The following PTPRD variants were observed in gnomAD, a reference collection of about 807,000 sequenced individuals.
PTPRD encodes the protein protein tyrosine phosphatase receptor type D.
PTPRD carries 34 observed loss-of-function variants against 214.5 expected under a neutral mutation model. The ratio of observed to expected loss-of-function variants is 0.16; its 90% CI spans 0.12 to 0.21. PTPRD has a LOEUF of 0.21. Ranked by LOEUF, PTPRD falls within the 10% of genes least tolerant of loss-of-function variation. PTPRD has a pLI of 1.00. For synonymous variants in PTPRD, 1,128 were observed against 845.7 expected, an observed-to-expected ratio of 1.33 and a Z score of -5.79; for missense variants, 2,545 against 2,398.7, an observed-to-expected ratio of 1.06 and a Z score of -1.27.
At chr9:10,434,145 TA>T (rs906226759) in intron 2 of PTPRD, among the ~76,000 whole-genome samples, 42 of 151,902 alleles carry the variant, frequency 2.8e-4, no homozygotes, top group African/African-American at 8.7e-4. Context: ...AGAATGCAAT[TA>T]TTTTTTTTAT....
At chr9:10,303,619 A>G (rs1051450470) in intron 3 of PTPRD, among the ~76,000 whole-genome samples, 14 of 152,200 alleles carry the variant, frequency 9.2e-5, no homozygotes, top group African/African-American at 3.4e-4. Context: ...CTACCATCAG[A>G]GAATACTATA....
intron 9 of PTPRD, among the ~76,000 whole-genome samples, chr9:9,339,512 G>T (rs1050304650): frequency 6.6e-6 from 1 of 152,042 alleles, no homozygotes; most frequent in Non-Finnish European, 1.5e-5. Flanking sequence ...TTAAGTTGAC[G>T]AATATCACTG....
chr9:9,514,534 G>A (rs565680411), intron 8 of PTPRD, among the ~76,000 whole-genome samples: 1 of 152,010 alleles, frequency 6.6e-6, no homozygotes, highest in African/African-American at 2.4e-5. Flanking sequence ...CCTGCCTTCC[G>A]AGGAGTTCTT....
At chr9:8,813,097 GAA>G (rs1196721845) in intron 11 of PTPRD, among the ~76,000 whole-genome samples, 1 of 152,200 alleles carries the variant, frequency 6.6e-6, no homozygotes, top group African/African-American at 2.4e-5. Context: ...GCTATCGGTG[GAA>G]AAGTGTCAGC....
At position 9,386,189 on chromosome 9, in the gene PTPRD, A is replaced by G. The variant is rs180792654; in HGVS notation, c.-203+11260T>C. On this transcript the variant is annotated intron_variant, in intron 9 of 45. Transcript: ENST00000381196. ...CCAATATATGTTTCCAATGACATGC[A>G]TCTTCTAGATTTCCCTTAATCCTAT... 3.1e-3 allele frequency among the ~76,000 whole-genome samples: 467 copies of G among 152,248 alleles called. 4 individuals are homozygous for G. The highest frequency in any genetic ancestry group is 0.011 in the African/African-American group (449 of 41,558).
intron 10 of PTPRD, among the ~76,000 whole-genome samples, chr9:9,041,817 C>A (rs992339706): frequency 6.6e-6 from 1 of 152,182 alleles, no homozygotes; most frequent in Admixed American, 6.5e-5. Flanking sequence ...ACAACTAGGA[C>A]TCCTAAATCC....
At chr9:8,928,727 G>A (rs1261518824) in intron 11 of PTPRD, among the ~76,000 whole-genome samples, 2 of 152,238 alleles carry the variant, frequency 1.3e-5, no homozygotes, top group African/African-American at 4.8e-5. Flanking sequence ...ATTCTGTGAA[G>A]AAGGTCAATG....
rs147500701 is a variant in PTPRD, at chr9:8,758,282, G to A, written c.-103-24336C>T. ...AGTGACTCCTCAATTCTCCTGAGAT[G>A]GTACAAATGTAGTACCACTCTAGAT... On this transcript the variant is annotated intron_variant, in intron 11 of 45. Coordinates refer to ENST00000381196, the MANE Select transcript of PTPRD (RefSeq NM_002839.4). Among the ~76,000 whole-genome samples the A allele has an allele frequency of 5.9e-4, 90 of 152,190 alleles. 1 individual carries two copies. Among genetic ancestry groups the A allele is most frequent in the African/African-American group, 2.1e-3 (88 of 41,540 alleles).
intron 10 of PTPRD, among the ~76,000 whole-genome samples, chr9:9,065,631 C>T (rs2099727736): frequency 5.9e-5 from 9 of 152,098 alleles, no homozygotes; most frequent in Admixed American, 5.9e-4. Flanking sequence ...GGAGAAAATA[C>T]ATTATGGGAT....
intron 9 of PTPRD, among the ~76,000 whole-genome samples, chr9:9,371,550 T>C (rs1247624583): frequency 1.3e-5 from 2 of 152,186 alleles, no homozygotes; most frequent in African/African-American, 4.8e-5. Flanking sequence ...TTGTTGATCT[T>C]TTCAAAAAAC....
chr9:10,509,581 T>TA (rs1566622187), intron 2 of PTPRD, among the ~76,000 whole-genome samples: 3 of 58,970 alleles, frequency 5.1e-5, no homozygotes, highest in African/African-American at 2.2e-4. Context: ...ATATATATAT[T>TA]TTACTCACTT....
chr9:9,710,754 T>A (rs2097710452), intron 7 of PTPRD, among the ~76,000 whole-genome samples: 1 of 152,164 alleles, frequency 6.6e-6, no homozygotes, highest in South Asian at 2.1e-4. Context: ...AAGTTGTCTA[T>A]CCACATTAAC....
intron 11 of PTPRD, among the ~76,000 whole-genome samples, chr9:8,904,430 G>C (rs559773915): frequency 6.6e-6 from 1 of 152,220 alleles, no homozygotes; most frequent in East Asian, 1.9e-4. Flanking sequence ...CAAGCATTTT[G>C]AGAGACTGAG....
At chr9:8,962,218 T>A (rs2099162220) in intron 11 of PTPRD, 1 of 152,114 alleles carries the variant, frequency 6.6e-6, no homozygotes, top group African/African-American at 2.4e-5. Flanking sequence ...AATAATTACT[T>A]GGTGAGAACA....
At chr9:9,632,313 T>C (rs2095620315) in intron 7 of PTPRD, among the ~76,000 whole-genome samples, 2 of 152,118 alleles carry the variant, frequency 1.3e-5, no homozygotes, top group Non-Finnish European at 2.9e-5. Context: ...AGGCTGTATA[T>C]AAATGATTCA....
chr9:9,860,927 G>A (rs1031003471), intron 5 of PTPRD, among the ~76,000 whole-genome samples: 1 of 152,198 alleles, frequency 6.6e-6, no homozygotes, highest in African/African-American at 2.4e-5. Context: ...CAACTCTTAA[G>A]AAAAATGCAG....
chr9:8,470,859 C>T, intron 31 of PTPRD, 136 bp downstream of exon 31: 1 of 726,148 alleles, frequency 1.4e-6, no homozygotes, highest in East Asian at 2.6e-5. Context: ...ATGCCCATAG[C>T]ACTGAACCAT....
chr9:9,088,361 C>G (rs1190634100), intron 10 of PTPRD, among the ~76,000 whole-genome samples: 1 of 151,446 alleles, frequency 6.6e-6, no homozygotes, highest in Non-Finnish European at 1.5e-5. Flanking sequence ...GCCGAGGCAG[C>G]TGGATCACCT....
intron 7 of PTPRD, among the ~76,000 whole-genome samples, chr9:9,674,833 G>A (rs1033996181): frequency 2.6e-5 from 4 of 151,804 alleles, no homozygotes; most frequent in African/African-American, 9.7e-5. Context: ...TTATGTCACT[G>A]GTAGCTGGTG....
Sources: gnomAD v4.1 joint callset for allele counts (sites outside exome capture counted in the v4.1 genomes callset) on GRCh38, gnomAD v4.1.1 for gene constraint, MANE v1.5 for transcripts, NCBI Gene and HGNC (gene_info 2026-07-23, HGNC 2026-07-21) for gene names.